STK3: variants seen among roughly 807,000 people sequenced by gnomAD.
The protein encoded by STK3 is serine/threonine-protein kinase 3.
STK3 carries 41 observed loss-of-function variants against 58.0 expected under a neutral mutation model. The ratio of observed to expected loss-of-function variants is 0.71; its 90% CI spans 0.55 to 0.92. The LOEUF (loss-of-function observed/expected upper bound fraction) is 0.92, where lower values mean the gene tolerates loss of function less well. Ranked by LOEUF, STK3 falls within the 40% of genes least tolerant of loss-of-function variation. STK3 has a pLI of 0.00. For synonymous variants in STK3, 170 were observed against 191.0 expected (o/e 0.89, Z 0.91); for missense variants, 479 against 602.7 (o/e 0.79, Z 2.15).
At chr8:98,788,182 G>A (rs1832587306) in intron 1 of STK3, among the ~76,000 whole-genome samples, 1 of 152,006 alleles carries the variant, frequency 6.6e-6, no homozygotes, top group Non-Finnish European at 1.5e-5. Context: ...TGGCTCACGG[G>A]GGTAATCTCA....
intron 8 of STK3, among the ~76,000 whole-genome samples, chr8:98,578,415 A>C (rs754983865): frequency 2.6e-4 from 40 of 152,252 alleles, no homozygotes; most frequent in Non-Finnish European, 5.0e-4. Context: ...CTCACTAGGT[A>C]GTCCATGACA....
In STK3 at chr8:98,651,211, T is replaced by A. The variant is rs548503464; in HGVS notation, c.685-55042A>T. ...AAATCTGCTGTTCTGCAGCCACCGCTGCTGGTACCCAGGCAAACCGAGTCT... is the reference window on the plus strand; with the variant it reads ...AAATCTGCTGTTCTGCAGCCACCGCAGCTGGTACCCAGGCAAACCGAGTCT... On this transcript the variant is annotated intron_variant, in intron 6 of 10. Transcript: ENST00000419617. Among the ~76,000 whole-genome samples the A allele has an allele frequency of 2.0e-5, 3 of 152,326 alleles. No homozygotes were observed. In the South Asian group the frequency reaches 6.2e-4, roughly 32 times the overall value.
chr8:98,530,473 G>C (rs770440819), intron 9 of STK3, among the ~76,000 whole-genome samples: 20 of 152,112 alleles, frequency 1.3e-4, no homozygotes, highest in Non-Finnish European at 2.1e-4. Flanking sequence ...AGAGAGGCCT[G>C]GTGCTAGTCC....
At chr8:98,896,384 C>A (rs1838446072) in intron 1 of STK3, among the ~76,000 whole-genome samples, 1 of 152,178 alleles carries the variant, frequency 6.6e-6, no homozygotes, top group Admixed American at 6.5e-5. Flanking sequence ...ATTAAATAGA[C>A]AAACTAGTGC....
intron 2 of STK3, among the ~76,000 whole-genome samples, chr8:98,773,221 T>C (rs1313082321): frequency 2.0e-5 from 3 of 152,178 alleles, no homozygotes; most frequent in Non-Finnish European, 4.4e-5. Flanking sequence ...AAGAGATACA[T>C]TGAAATCTCC....
intron 4 of STK3, among the ~76,000 whole-genome samples, chr8:98,726,223 A>G (rs757830172): frequency 1.4e-4 from 21 of 152,218 alleles, no homozygotes; most frequent in Non-Finnish European, 2.8e-4. Flanking sequence ...CAAAGGTGAA[A>G]ACTGGGCAAC....
At chr8:98,352,337 A>G in the STK3 span, among the ~76,000 whole-genome samples, 1 of 152,150 alleles carries the variant, frequency 6.6e-6, no homozygotes, top group South Asian at 2.1e-4. Context: ...TCATCTAAAG[A>G]GGAGGTGGGC....
upstream of STK3, among the ~76,000 whole-genome samples, chr8:98,390,580 T>C (rs1817839205): frequency 6.6e-6 from 1 of 152,206 alleles, no homozygotes; most frequent in Non-Finnish European, 1.5e-5. Flanking sequence ...CCAAATTTGA[T>C]AATTTTTCAG....
intron 3 of STK3, among the ~76,000 whole-genome samples, chr8:98,856,625 C>T (rs1254499769): frequency 2.0e-5 from 3 of 152,294 alleles, no homozygotes; most frequent in African/African-American, 7.2e-5. Context: ...AATGGCACAA[C>T]CACTTTGGAA....
rs370625976 is a variant in STK3, at chr8:98,737,143, CTTT to C, written c.351+12130_351+12132del. On this transcript the variant is annotated intron_variant, in intron 4 of 10. Coordinates refer to ENST00000419617, the MANE Select transcript of STK3 (RefSeq NM_006281.4). ...AATTTCAGTAATCATGTTTTTATATCTTTTTTTAGATTTATAAAGGTTAAAGCT... is the reference window on the plus strand; with the variant it reads ...AATTTCAGTAATCATGTTTTTATATCTTTTAGATTTATAAAGGTTAAAGCT... Among the ~76,000 whole-genome samples the C allele has an allele frequency of 6.6e-5, 10 of 152,158 alleles. No homozygotes were observed. The East Asian group carries it at 1.3e-3, about 21-fold the overall frequency.
chr8:98,663,536 A>T (rs1227588745), intron 6 of STK3, among the ~76,000 whole-genome samples: 11 of 152,200 alleles, frequency 7.2e-5, no homozygotes, highest in Non-Finnish European at 1.3e-4. Flanking sequence ...TACCCAAAAG[A>T]TTATAAATCA....
intron 3 of STK3, among the ~76,000 whole-genome samples, chr8:98,846,856 T>TACACAC (rs374739035): frequency 1.4e-3 from 197 of 143,406 alleles, no homozygotes; most frequent in South Asian, 8.5e-3. Flanking sequence ...TTCAGGATCC[T>TACACAC]ACACACACAC....
chr8:98,872,875 T>C (rs1837430584), intron 3 of STK3, among the ~76,000 whole-genome samples: 3 of 152,220 alleles, frequency 2.0e-5, no homozygotes, highest in African/African-American at 4.8e-5. Flanking sequence ...TCTTGCCTTC[T>C]GCTAGCTTTT....
intron 6 of STK3, among the ~76,000 whole-genome samples, chr8:98,671,288 C>T (rs2130842652): frequency 6.6e-6 from 1 of 152,186 alleles, no homozygotes; most frequent in East Asian, 1.9e-4. Flanking sequence ...AGACTTACCA[C>T]CCAGAACTAT....
At chr8:98,571,408 T>C (rs1812957347) in intron 8 of STK3, among the ~76,000 whole-genome samples, 1 of 151,960 alleles carries the variant, frequency 6.6e-6, no homozygotes, top group Non-Finnish European at 1.5e-5. Flanking sequence ...CGGGGGAAGT[T>C]TCTGTCTAAG....
chr8:98,586,020 T>C (rs947019536), intron 7 of STK3, among the ~76,000 whole-genome samples: 2 of 152,214 alleles, frequency 1.3e-5, no homozygotes, highest in Admixed American at 6.5e-5. Flanking sequence ...GTTTTCTAGA[T>C]ATACAATCAT....
chr8:98,717,104 C>G lies in STK3; in HGVS notation c.352-9793G>C, dbSNP rs548639869. The stretch of plus-strand genomic sequence containing the variant: ...AAAACAGGGCAAAAACCTCATGATA[C>G]CAGATTTGGTAATGATTTCTCAGAT... On this transcript the variant is annotated intron_variant, in intron 4 of 10. Transcript: ENST00000419617. 5.3e-5 allele frequency among the ~76,000 whole-genome samples: 8 copies of G among 151,730 alleles called. No individual in the cohort carries two copies. In the South Asian group the frequency reaches 1.5e-3, roughly 28 times the overall value.
intron 6 of STK3, among the ~76,000 whole-genome samples, chr8:98,634,819 T>C (rs1819510365): frequency 6.6e-6 from 1 of 151,998 alleles, no homozygotes; most frequent in African/African-American, 2.4e-5. Flanking sequence ...GAGCCACATA[T>C]AAAAGCAGTT....
At chr8:98,927,310 G>A (rs908602513) in intron 1 of STK3, among the ~76,000 whole-genome samples, 1 of 152,202 alleles carries the variant, frequency 6.6e-6, no homozygotes, top group African/African-American at 2.4e-5. Context: ...CTTCCTTTGG[G>A]AATAACTTTT....
Sources: allele counts gnomAD v4.1 joint callset (sites outside exome capture counted in the v4.1 genomes callset), GRCh38; gene constraint gnomAD v4.1.1; transcripts MANE v1.5; gene names NCBI Gene and HGNC (gene_info 2026-07-23, HGNC 2026-07-21).